HLTF: variants seen among roughly 807,000 people sequenced by gnomAD.
The protein encoded by HLTF is helicase like transcription factor, also known as DNA-dependent ATPase/E3 ubiquitin-protein ligase HLTF.
In HLTF, 127 loss-of-function variants were observed where a neutral mutation model predicts 129.4. The observed-to-expected ratio is 0.98, with a 90% CI of 0.85 to 1.14. The LOEUF (loss-of-function observed/expected upper bound fraction) is 1.14. HLTF is among the 50% of genes most tolerant of loss of function. HLTF has a pLI of 0.00. For missense variants in HLTF, 1,139 were observed against 1,187.1 expected (o/e 0.96, Z 0.60); for synonymous variants, 332 against 388.8 (o/e 0.85, Z 1.72).
chr3:149,065,076 A>T (rs71304447), intron 8 of HLTF, among the ~76,000 whole-genome samples: 8,409 of 152,260 alleles, frequency 0.055, 261 homozygotes, highest in African/African-American at 0.09. Context: ...CAAAAAAAAA[A>T]AAATAAATAA....
Position 149,067,708 on chromosome 3 carries a change from A to T in HLTF, c.990+532T>A, listed in dbSNP as rs144947575. On this transcript the variant is annotated intron_variant, in intron 8 of 24. Transcript: ENST00000310053. ...AGGGAAAAAAAAATAATAATAATAA[A>T]AAAAAACCTGTATTTTCTTTGGAAA... Among the ~76,000 whole-genome samples, 993 of 152,262 alleles carry T rather than the reference A, an allele frequency of 6.5e-3. 5 individuals are homozygous for T. The highest frequency in any genetic ancestry group is 0.017 in the African/African-American group (689 of 41,542).
chr3:149,055,369 A>G lies in HLTF; in HGVS notation c.1407T>C (p.Thr469=). 6.2e-7 allele frequency: 1 copy of G among 1,613,932 alleles called. No individual in the cohort carries two copies. The highest frequency in any genetic ancestry group is 8.5e-7 in the Non-Finnish European group (1 of 1,179,860). The change falls in exon 14 of 25, where the codon ACT becomes ACC. Residue 469 remains threonine (T), a synonymous_variant. Coordinates refer to ENST00000310053, the MANE Select transcript of HLTF (RefSeq NM_003071.4). ...TTGTTCTTGGTCTCTCCTCAACATC[A>G]GTTTTCTTTGACCCCTCCACTGCAC... is the stretch of plus-strand genomic sequence containing the variant. ...GACAVEGSKK[T]DVEERPRTTL... is the part of the protein sequence containing the mutation.
chr3:149,038,920 T>G, intron 23 of HLTF, 129 bp downstream of exon 23: 1 of 541,630 alleles, frequency 1.8e-6, no homozygotes, highest in Non-Finnish European at 3.1e-6. Context: ...TTTTTGTTAT[T>G]TATTTCTAAA....
At chr3:149,055,907 C>G (rs2108004726) in intron 13 of HLTF, among the ~76,000 whole-genome samples, 1 of 152,340 alleles carries the variant, frequency 6.6e-6, no homozygotes, top group Admixed American at 6.5e-5. Flanking sequence ...CAAGCTCACT[C>G]TCATACTCAT....
At chr3:149,079,364 G>A (rs561656055) in intron 2 of HLTF, among the ~76,000 whole-genome samples, 1 of 28,250 alleles carries the variant, frequency 3.5e-5, no homozygotes, top group South Asian at 1.2e-3. Context: ...AAAGGGTAAC[G>A]ACAGTTTCTA....
intron 3 of HLTF, 97 bp downstream of exon 3, chr3:149,075,784 G>T: frequency 1.5e-6 from 1 of 676,508 alleles, no homozygotes; most frequent in Non-Finnish European, 2.4e-6. Context: ...GATAGAAATT[G>T]TTAGCATACC....
At chr3:149,041,730 T>A (rs759726476) in intron 19 of HLTF, 62 bp from the exon 20 acceptor site, 1 of 1,195,598 alleles carries the variant, frequency 8.4e-7, no homozygotes, top group Admixed American at 2.0e-5. Flanking sequence ...AGTTAATCTA[T>A]CTTATAAGGA....
In HLTF at chr3:149,031,580, GA is replaced by G. The variant is rs1038778609; in HGVS notation, c.*639del. 6.6e-6 allele frequency: 1 copy of G among 152,190 alleles called. No individual in the cohort carries two copies. Among genetic ancestry groups the G allele is most frequent in the Non-Finnish European group, 1.5e-5 (1 of 67,982 alleles). 9.4% of individuals were successfully genotyped at this position (152,190 alleles called of 1,614,324 possible). ...AGTGTAGTACTACTTAACTAAAATG[GA>G]AAAAATAGTACTCTTAACATAATCC... On this transcript the variant is annotated 3_prime_UTR_variant, in exon 25 of 25. Coordinates refer to ENST00000310053, the MANE Select transcript of HLTF (RefSeq NM_003071.4).
At chr3:149,060,757 A>C (rs1310908915) in intron 11 of HLTF, 22 bp downstream of exon 11, 1 of 1,607,542 alleles carries the variant, frequency 6.2e-7, no homozygotes, top group Non-Finnish European at 8.5e-7. Flanking sequence ...CACATTATCA[A>C]ATCAAATCTA....
At chr3:149,058,819 A>C (rs1379441195) in intron 13 of HLTF, among the ~76,000 whole-genome samples, 1 of 152,204 alleles carries the variant, frequency 6.6e-6, no homozygotes, top group East Asian at 1.9e-4. Context: ...TGTGACTTTG[A>C]AAATGTTCTC....
chr3:149,039,501 A>T, intron 22 of HLTF, 80 bp downstream of exon 22: 2 of 739,370 alleles, frequency 2.7e-6, no homozygotes, highest in Non-Finnish European at 4.2e-6. Flanking sequence ...AAAACAAATT[A>T]AGTTTTTTTT....
chr3:149,069,869 A>C (rs1430621945), intron 7 of HLTF, among the ~76,000 whole-genome samples: 1 of 152,238 alleles, frequency 6.6e-6, no homozygotes, highest in Non-Finnish European at 1.5e-5. Context: ...GACACTATGA[A>C]CATAGTGCCT....
At position 149,032,319 on chromosome 3, in the gene HLTF, CTTTTTG is replaced by C. The variant is rs1455058129; in HGVS notation, c.2925_2930del (p.Asn975_Lys976del). The C allele has an allele frequency of 1.7e-5, 27 of 1,595,106 alleles. No homozygotes were observed. The highest frequency in any genetic ancestry group is 2.3e-5 in the Non-Finnish European group (27 of 1,171,246). On this transcript the variant is annotated inframe_deletion, in exon 25 of 25. Coordinates refer to ENST00000310053, the MANE Select transcript of HLTF (RefSeq NM_003071.4). ...CAAAGGCTCCTGCTGCAAGTTCTCTCTTTTTGTTTTGTATTTTCAGCATATTTTCTT... is the reference window on the plus strand; with the variant it reads ...CAAAGGCTCCTGCTGCAAGTTCTCTCTTTTGTATTTTCAGCATATTTTCTT...
Position 149,084,700 on chromosome 3 carries a change from T to C in HLTF, c.210A>G (p.Leu70=). ...TACTCACTACTCCCGTGTAATAGCGTAGTCCAACCACATGACCTCTCAAAC... is the reference window on the plus strand; with the variant it reads ...TACTCACTACTCCCGTGTAATAGCGCAGTCCAACCACATGACCTCTCAAAC... ...FGSLRGHVVG[L]RYYTGVVNNN... The change falls in exon 2 of 25, where the codon CTA becomes CTG. Residue 70 remains leucine, a synonymous_variant. Coordinates refer to ENST00000310053, the MANE Select transcript of HLTF (RefSeq NM_003071.4). 1 of 1,612,862 alleles carries C rather than the reference T, an allele frequency of 6.2e-7. No homozygotes were observed. Among genetic ancestry groups the C allele is most frequent in the Non-Finnish European group, 8.5e-7 (1 of 1,178,826 alleles).
At position 149,060,696 on chromosome 3, in the gene HLTF, A is replaced by G. The variant is rs376099936; in HGVS notation, c.1241-9T>C. 4.8e-5 allele frequency: 77 copies of G among 1,613,216 alleles called. No individual in the cohort carries two copies. The Admixed American group carries it at 5.8e-4, about 12-fold the overall frequency. ...TACATTTTTCAGTTTGCCTAAAAAT[A>G]AAACAAAAATAAACATAAAAATGGG... On this transcript the variant is annotated splice_polypyrimidine_tract_variant and intron_variant, in intron 11 of 24. Transcript: ENST00000310053.
chr3:149,086,244 G>T, intron 1 of HLTF, 73 bp downstream of exon 1: 2 of 1,466,680 alleles, frequency 1.4e-6, no homozygotes, highest in East Asian at 2.4e-5. Flanking sequence ...GAGGAACGCG[G>T]GGAAGGTCAG....
chr3:149,071,146 C>T (rs1718820889), intron 7 of HLTF, 106 bp downstream of exon 7: 3 of 661,818 alleles, frequency 4.5e-6, no homozygotes, highest in East Asian at 2.8e-5. Flanking sequence ...AGATCTAGTC[C>T]CAAACTGGTA....
chr3:149,072,624 C>G (rs760689387), intron 5 of HLTF, among the ~76,000 whole-genome samples: 2 of 152,046 alleles, frequency 1.3e-5, no homozygotes, highest in African/African-American at 2.4e-5. Flanking sequence ...TCAGAAGTAA[C>G]CGGGGGCTTA....
chr3:149,032,120 AG>A lies in HLTF; in HGVS notation c.*99del. 2 of 861,412 alleles carry A rather than the reference AG, an allele frequency of 2.3e-6. No homozygotes were observed. The highest frequency in any genetic ancestry group is 3.4e-6 in the Non-Finnish European group (2 of 588,706). The allele number at this position is 861,412 out of a possible 1,614,324, so 53.4% of individuals were successfully genotyped here. ...CACTAATATAAAATATGCCCCTTTT[AG>A]AAGACGTGTTCTCTAGATCTCATTT... On this transcript the variant is annotated 3_prime_UTR_variant, in exon 25 of 25. Coordinates refer to ENST00000310053, the MANE Select transcript of HLTF (RefSeq NM_003071.4).
Sources: gnomAD v4.1 joint callset for allele counts (sites outside exome capture counted in the v4.1 genomes callset) on GRCh38, gnomAD v4.1.1 for gene constraint, MANE v1.5 for transcripts, NCBI Gene and HGNC (gene_info 2026-07-23, HGNC 2026-07-21) for gene names.